MECR: variants seen among roughly 807,000 people sequenced by gnomAD.
The protein encoded by MECR is mitochondrial trans-2-enoyl-CoA reductase.
A neutral mutation model predicts 49.1 loss-of-function variants in MECR; 37 were observed. The observed-to-expected ratio is 0.75, with a 90% CI of 0.58 to 0.99. The LOEUF (loss-of-function observed/expected upper bound fraction) is 0.99, where lower values mean the gene tolerates loss of function less well. Among genes scored for constraint, MECR ranks in the 50% least tolerant of loss-of-function variants. The pLI is 0.00. For missense variants in MECR, 470 were observed against 479.6 expected (o/e 0.98, Z 0.19); for synonymous variants, 198 against 191.1 (o/e 1.04, Z -0.30).
intron 1 of MECR, among the ~76,000 whole-genome samples, chr1:29,225,838 C>T (rs977193552): frequency 1.3e-5 from 2 of 152,044 alleles, no homozygotes; most frequent in African/African-American, 2.4e-5. Flanking sequence ...AGACTGGGGC[C>T]CCACTACCTG....
In MECR at chr1:29,206,869, G is replaced by A; in HGVS notation, c.443C>T (p.Ala148Val). ...GATGTCACTCGGAACTTGGATCAGT[G>A]CTTCCTCGCTGAACACAGCCTCGGT... is the stretch of plus-strand genomic sequence containing the variant. ...WRTEAVFSEE[A>V]LIQVPSDIPL... Residue 148 changes from alanine to valine, a missense_variant, in exon 4 of 10, where the codon GCA (alanine) becomes GTA (valine). Ala to Val is a moderately conservative substitution (Grantham distance 64). Coordinates refer to ENST00000263702, the MANE Select transcript of MECR (RefSeq NM_016011.5). 6.2e-7 allele frequency: 1 copy of A among 1,614,164 alleles called. No individual in the cohort carries two copies. The highest frequency in any genetic ancestry group is 8.5e-7 in the Non-Finnish European group (1 of 1,180,032).
chr1:29,182,255 T>C, the MECR span, among the ~76,000 whole-genome samples: 1 of 152,116 alleles, frequency 6.6e-6, no homozygotes, highest in African/African-American at 2.4e-5. Context: ...TTCCAAACGA[T>C]TGTGTACCCG....
At chr1:29,175,644 G>A in the MECR span, among the ~76,000 whole-genome samples, 3 of 116,372 alleles carry the variant, frequency 2.6e-5, no homozygotes, top group Non-Finnish European at 5.0e-5. Context: ...GCAGTGAGCC[G>A]AGATTGCGCC....
intron 1 of MECR, among the ~76,000 whole-genome samples, chr1:29,218,216 A>T (rs1228904984): frequency 6.6e-6 from 1 of 152,216 alleles, no homozygotes; most frequent in Non-Finnish European, 1.5e-5. Context: ...GGCAATGTGC[A>T]TGTGTTACTT....
intron 3 of MECR, among the ~76,000 whole-genome samples, chr1:29,211,058 T>C (rs1040566455): frequency 1.3e-5 from 2 of 151,636 alleles, no homozygotes; most frequent in Admixed American, 1.3e-4. Context: ...GGGCTAAATC[T>C]GCCTCACCAC....
intron 4 of MECR, among the ~76,000 whole-genome samples, chr1:29,204,825 G>C (rs1436511602): frequency 3.3e-5 from 5 of 152,226 alleles, no homozygotes; most frequent in Non-Finnish European, 7.3e-5. Flanking sequence ...AAGGTCCCTG[G>C]TCACAGCCAC....
chr1:29,215,369 G>A (rs1679116880), intron 3 of MECR, among the ~76,000 whole-genome samples: 1 of 152,096 alleles, frequency 6.6e-6, no homozygotes, highest in African/African-American at 2.4e-5. Flanking sequence ...CCTGAGGTTA[G>A]GAGTTTGAGA....
At chr1:29,202,695 CCT>C (rs1242767480) in intron 5 of MECR, among the ~76,000 whole-genome samples, 31 of 152,284 alleles carry the variant, frequency 2.0e-4, no homozygotes, top group African/African-American at 5.5e-4. Context: ...CAAACCTGCC[CCT>C]GTCTCCTTCA....
chr1:29,206,789 A>G lies in MECR; in HGVS notation c.523T>C (p.Leu175=). 6.2e-7 allele frequency: 1 copy of G among 1,614,116 alleles called. No individual in the cohort carries two copies. The part of the protein sequence containing the change: ...GVNPCTAYRM[L]MDFEQLQPGD... ...GGCTGCAGTTGCTCGAAGTCCATCAACATCCTGTAGGCTGTGCAGGGATTG... is the reference window on the plus strand; with the variant it reads ...GGCTGCAGTTGCTCGAAGTCCATCAGCATCCTGTAGGCTGTGCAGGGATTG... The change falls in exon 4 of 10, where the codon TTG becomes CTG. Residue 175 remains leucine (L), a synonymous_variant. Transcript: ENST00000263702.
intron 3 of MECR, among the ~76,000 whole-genome samples, chr1:29,213,596 G>T (rs1678578608): frequency 6.6e-6 from 1 of 152,246 alleles, no homozygotes; most frequent in Non-Finnish European, 1.5e-5. Flanking sequence ...CCTTCTGGGG[G>T]ATGGATATGG....
chr1:29,178,629 T>C, the MECR span, among the ~76,000 whole-genome samples: 1 of 152,178 alleles, frequency 6.6e-6, no homozygotes, highest in African/African-American at 2.4e-5. Context: ...GTGCTGGGAT[T>C]ACAGGCCACC....
downstream of MECR, among the ~76,000 whole-genome samples, chr1:29,189,513 C>T (rs147811882): frequency 6.9e-3 from 1,053 of 152,278 alleles, 16 homozygotes; most frequent in African/African-American, 0.024. Flanking sequence ...GTGCCCGGAC[C>T]GTCTGAAATT....
At chr1:29,191,419 T>C (rs1195831122), downstream of MECR, among the ~76,000 whole-genome samples, 1 of 152,146 alleles carries the variant, frequency 6.6e-6, no homozygotes, top group Non-Finnish European at 1.5e-5. Flanking sequence ...CTGTCCTGCC[T>C]CAGCCTCCTG....
the MECR span, chr1:29,172,179 A>G: frequency 6.6e-6 from 1 of 152,246 alleles, no homozygotes; most frequent in African/African-American, 2.4e-5. Context: ...TGTAATAGTT[A>G]TATTACTAAT....
the MECR span, chr1:29,170,605 T>A: frequency 6.6e-6 from 1 of 152,240 alleles, no homozygotes; most frequent in East Asian, 1.9e-4. Flanking sequence ...CTTTTATTAA[T>A]TAGTGGATGC....
At chr1:29,229,010 C>T (rs1022386046) in intron 1 of MECR, 5 of 152,284 alleles carry the variant, frequency 3.3e-5, no homozygotes, top group South Asian at 2.1e-4. Flanking sequence ...TTCCTTACAA[C>T]GCAGTCCTTA....
rs1674418416 is a variant in MECR, at chr1:29,198,019, G to A, written c.831-1761C>T. Among the ~76,000 whole-genome samples the A allele has an allele frequency of 2.6e-5, 4 of 152,314 alleles. No individual in the cohort carries two copies. In the South Asian group the frequency reaches 6.2e-4, roughly 24 times the overall value. On this transcript the variant is annotated intron_variant, in intron 7 of 9. Coordinates refer to ENST00000263702, the MANE Select transcript of MECR (RefSeq NM_016011.5). ...CAATTTTTCCATGGACTGGAGTGGG[G>A]GAGATGGTTTTGGGATGAAACTGTT...
Position 29,201,971 on chromosome 1 carries a change from CT to C in MECR, c.727del (p.Arg243GlufsTer5), listed in dbSNP as rs1472686790. Reference protein sequence around the residue: ...AEHVITEEELRRPEMKNFFKD... With the variant: ...AEHVITEEELXRPEMKNFFKD... ...AAAGAAGTTTTTCATTTCGGGCCTT[CT>C]TAGCTCCTCTTCTGTGATGACATGC... On this transcript the variant is annotated frameshift_variant, in exon 6 of 10. Transcript: ENST00000263702. LOFTEE classifies it high-confidence loss of function. The surrounding 1 kb of genome is among the most constrained non-coding windows in gnomAD (Gnocchi z 4.3). 6.2e-7 allele frequency: 1 copy of C among 1,614,076 alleles called. No homozygotes were observed. Among genetic ancestry groups the C allele is most frequent in the Non-Finnish European group, 8.5e-7 (1 of 1,180,038 alleles).
rs868506868 is a variant in MECR, at chr1:29,193,952, A to G, written c.*70T>C. 3.6e-5 allele frequency: 57 copies of G among 1,574,718 alleles called. No homozygotes were observed. The Middle Eastern group carries it at 9.2e-4, about 25-fold the overall frequency. On this transcript the variant is annotated 3_prime_UTR_variant, in exon 10 of 10. Coordinates refer to ENST00000263702, the MANE Select transcript of MECR (RefSeq NM_016011.5). ...TAGTCTGGGGAAGGTGGGAGCCCCAACTGAGGGGCCTGCACCCAGCCCCTC... is the reference window on the plus strand; with the variant it reads ...TAGTCTGGGGAAGGTGGGAGCCCCAGCTGAGGGGCCTGCACCCAGCCCCTC...
Sources: gnomAD v4.1 joint callset for allele counts (sites outside exome capture counted in the v4.1 genomes callset) on GRCh38, gnomAD v4.1.1 for gene constraint, Gnocchi (gnomAD v3.1) non-coding constraint, MANE v1.5 for transcripts, NCBI Gene and HGNC (gene_info 2026-07-23, HGNC 2026-07-21) for gene names.